Variants in PGBD1 observed in about 807,000 individuals in gnomAD.
PGBD1 encodes the protein piggyBac transposable element derived 1.
PGBD1 carries 25 observed loss-of-function variants against 34.7 expected under a neutral mutation model. That is an observed-to-expected ratio of 0.72 (90% CI 0.52 to 1.00). PGBD1 has a LOEUF of 1.00. Ranked by LOEUF, PGBD1 falls within the 50% of genes least tolerant of loss-of-function variation. The pLI, the probability that PGBD1 is intolerant of heterozygous loss-of-function variation, is 0.00. For synonymous variants in PGBD1, 292 were observed against 335.7 expected, an observed-to-expected ratio of 0.87 and a Z score of 1.42; for missense variants, 830 against 959.4, an observed-to-expected ratio of 0.87 and a Z score of 1.78.
intron 2 of PGBD1, among the ~76,000 whole-genome samples, chr6:28,284,873 C>T (rs1762240793): frequency 6.6e-6 from 1 of 152,114 alleles, no homozygotes; most frequent in African/African-American, 2.4e-5. Context: ...CACAAGAATA[C>T]AAAAATCAAG....
At chr6:28,296,642 C>T (rs572373390) in intron 4 of PGBD1, among the ~76,000 whole-genome samples, 174 bp from the exon 5 acceptor site, 3 of 152,298 alleles carry the variant, frequency 2.0e-5, no homozygotes, top group East Asian at 1.9e-4. Context: ...TGAATGGCAT[C>T]GGCTTGAGGT....
In PGBD1 at chr6:28,300,900, G is replaced by A. The variant is rs761161062; in HGVS notation, c.1046G>A (p.Arg349Gln). ...AAAGGGAGAAAAAAAGACAAAGCTC[G>A]AGTGAGTGAACTGCTCCAAGGCCTC... ...TRKGRKKDKA[R>Q]VSELLQGLSF... is the part of the protein sequence containing the mutation. Residue 349 changes from arginine (R) to glutamine (Q), a missense_variant, in exon 7 of 7, where the codon CGA (arginine) becomes CAA (glutamine). Physicochemically the swap from Arg to Gln is conservative, Grantham distance 43. This residue lies in a region of PGBD1 where 457 missense variants were observed against 515.4 expected (regional missense o/e 0.89). Coordinates refer to ENST00000682144, the MANE Select transcript of PGBD1 (RefSeq NM_032507.4). The surrounding 1 kb of genome is among the most constrained non-coding windows in gnomAD (Gnocchi z 4.0). The A allele has an allele frequency of 9.9e-6, 16 of 1,614,082 alleles. No individual in the cohort carries two copies. The highest frequency in any genetic ancestry group is 6.6e-5 in the South Asian group (6 of 91,082).
intron 4 of PGBD1, among the ~76,000 whole-genome samples, chr6:28,291,821 A>G (rs1309311004): frequency 2.0e-5 from 3 of 152,202 alleles, no homozygotes; most frequent in South Asian, 2.1e-4. Flanking sequence ...TAAATGTGAT[A>G]TATCACATTA....
chr6:28,290,047 G>A (rs959731922), intron 4 of PGBD1, among the ~76,000 whole-genome samples: 3 of 152,026 alleles, frequency 2.0e-5, no homozygotes, highest in Non-Finnish European at 4.4e-5. Flanking sequence ...ACTAAAAATA[G>A]CAACAAAGGA....
At chr6:28,297,356 C>T (rs1342823366) in intron 5 of PGBD1, among the ~76,000 whole-genome samples, 6 of 152,112 alleles carry the variant, frequency 3.9e-5, no homozygotes, top group African/African-American at 7.2e-5. Flanking sequence ...TCTAAGAACA[C>T]GACAGTTCAT....
intron 2 of PGBD1, among the ~76,000 whole-genome samples, chr6:28,284,735 G>A (rs1311051141): frequency 4.6e-5 from 7 of 152,136 alleles, no homozygotes; most frequent in Admixed American, 1.3e-4. Context: ...TGCCCAGGCT[G>A]ATCTTGAACT....
Position 28,302,070 on chromosome 6 carries a change from T to G in PGBD1, c.2216T>G (p.Val739Gly), listed in dbSNP as rs1762865424. The G allele has an allele frequency of 1.9e-6, 3 of 1,613,974 alleles. No homozygotes were observed. Among genetic ancestry groups the G allele is most frequent in the African/African-American group, 2.7e-5 (2 of 74,894 alleles). The part of the protein sequence containing the change: ...VKVYDECKEG[V>G]AKMDQIISKY... ...GTGTATGATGAATGCAAGGAAGGTGTAGCTAAAATGGATCAAATTATTTCG... is the reference window on the plus strand; with the variant it reads ...GTGTATGATGAATGCAAGGAAGGTGGAGCTAAAATGGATCAAATTATTTCG... The change falls in exon 7 of 7, where the codon GTA (valine) becomes GGA (glycine). Residue 739 changes from valine (V) to glycine (G), a missense_variant. Physicochemically the swap from Val to Gly is moderately radical, Grantham distance 109 (BLOSUM62 -3). This residue lies in a region of PGBD1 where 372 missense variants were observed against 427.9 expected (regional missense o/e 0.87). Transcript: ENST00000682144.
At position 28,300,015 on chromosome 6, in the gene PGBD1, A is replaced by AT. The variant is rs398001089; in HGVS notation, c.870-709_870-708insT. Among the ~76,000 whole-genome samples, 2 of 151,548 alleles carry AT rather than the reference A, an allele frequency of 1.3e-5. No individual in the cohort carries two copies. The highest frequency in any genetic ancestry group is 2.4e-5 in the African/African-American group (1 of 41,216). ...GACTCTGTCTCAAAAAAAAAAAAAA[A>AT]CAAAACAAAACTTTTCATCTTTGTA... On this transcript the variant is annotated intron_variant, in intron 6 of 6. Coordinates refer to ENST00000682144, the MANE Select transcript of PGBD1 (RefSeq NM_032507.4). The surrounding 1 kb of genome is among the most constrained non-coding windows in gnomAD (Gnocchi z 4.0).
intron 1 of PGBD1, 48 bp from the exon 2 acceptor site, chr6:28,283,728 A>G (rs1581626416): frequency 1.4e-6 from 2 of 1,461,922 alleles, no homozygotes; most frequent in Non-Finnish European, 1.8e-6. Flanking sequence ...TATAATTTGC[A>G]TGTTGCTGAT....
At chr6:28,291,397 A>T (rs889376485) in intron 4 of PGBD1, among the ~76,000 whole-genome samples, 1 of 152,068 alleles carries the variant, frequency 6.6e-6, no homozygotes, top group Admixed American at 6.5e-5. Context: ...GACCATGAAA[A>T]AATAGAAAAC....
chr6:28,302,191 A>G lies in PGBD1; in HGVS notation c.2337A>G (p.Arg779=). Residue 779 remains arginine (R), a synonymous_variant, in exon 7 of 7, where the codon AGA becomes AGG. Transcript: ENST00000682144. The part of the protein sequence containing the change: ...VAMNNAWQLH[R]ACNPGASLDP... ...TGAACAATGCATGGCAACTACACAGAGCCTGTAACCCAGGTGCTTCTCTAG... is the reference window on the plus strand; with the variant it reads ...TGAACAATGCATGGCAACTACACAGGGCCTGTAACCCAGGTGCTTCTCTAG... 1 of 1,614,166 alleles carries G rather than the reference A, an allele frequency of 6.2e-7. No individual in the cohort carries two copies. Among genetic ancestry groups the G allele is most frequent in the Non-Finnish European group, 8.5e-7 (1 of 1,180,020 alleles).
intron 4 of PGBD1, among the ~76,000 whole-genome samples, chr6:28,296,391 G>A (rs1028385473): frequency 6.6e-6 from 1 of 152,152 alleles, no homozygotes; most frequent in Admixed American, 6.5e-5. Flanking sequence ...GTCAACTTTT[G>A]TGACAATGTC....
At chr6:28,293,154 G>T (rs569193916) in intron 4 of PGBD1, among the ~76,000 whole-genome samples, 1 of 152,220 alleles carries the variant, frequency 6.6e-6, no homozygotes, top group South Asian at 2.1e-4. Flanking sequence ...TGTTGGCCAG[G>T]ATGGTCTCGA....
In PGBD1 at chr6:28,301,220, G is replaced by T. The variant is rs1436752032; in HGVS notation, c.1366G>T (p.Glu456Ter). 2.5e-6 allele frequency: 4 copies of T among 1,614,112 alleles called. No individual in the cohort carries two copies. Among genetic ancestry groups the T allele is most frequent in the Non-Finnish European group, 3.4e-6 (4 of 1,180,030 alleles). The change falls in exon 7 of 7, where the codon GAA (glutamate) becomes TAA (stop). Residue 456 changes from glutamate (E) to a stop codon, truncating the protein, a stop_gained. Coordinates refer to ENST00000682144, the MANE Select transcript of PGBD1 (RefSeq NM_032507.4). LOFTEE classifies it low-confidence loss of function (END_TRUNC). ...TGTCAGCTTGGAAGTCACAGTTCAG[G>T]AAATGAGGTGTGTGTTTGGTGTCTT... ...KNVSLEVTVQ[E>*]MRCVFGVLLL...
intron 4 of PGBD1, among the ~76,000 whole-genome samples, chr6:28,290,935 G>C (rs1031042133): frequency 5.3e-5 from 8 of 151,848 alleles, no homozygotes; most frequent in Non-Finnish European, 1.0e-4. Context: ...CAAAATTTGT[G>C]GGATACTGCA....
rs1762133485 is a variant in PGBD1, at chr6:28,281,661, A to G, written c.-296A>G. 5.6e-6 allele frequency: 2 copies of G among 359,132 alleles called. No individual in the cohort carries two copies. Among genetic ancestry groups the G allele is most frequent in the Non-Finnish European group, 4.9e-6 (1 of 203,080 alleles). 22.2% of individuals were successfully genotyped at this position (359,132 alleles called of 1,614,324 possible). On this transcript the variant is annotated 5_prime_UTR_variant, in exon 1 of 7. Transcript: ENST00000682144. ...CTCTGGGGAAACCGGCGCTCCCGAC[A>G]GGGGAGCACCGGGCCTCTGAGCTCC...
At chr6:28,283,165 C>T (rs1430790189) in intron 1 of PGBD1, among the ~76,000 whole-genome samples, 1 of 152,142 alleles carries the variant, frequency 6.6e-6, no homozygotes, top group East Asian at 1.9e-4. Context: ...CTTGGGCTTC[C>T]TTACAGCATG....
Position 28,297,905 on chromosome 6 carries a change from T to A in PGBD1, c.783T>A (p.Ile261=). 1 of 1,460,124 alleles carries A rather than the reference T, an allele frequency of 6.8e-7. No individual in the cohort carries two copies. Among genetic ancestry groups the A allele is most frequent in the African/African-American group, 1.5e-5 (1 of 67,976 alleles). The allele number at this position is 1,460,124 out of a possible 1,614,324, so 90.4% of individuals were successfully genotyped here. A position where few individuals can be genotyped will look rare whatever the true frequency, so the allele number is the denominator to read the frequency against. The part of the protein sequence containing the change: ...VMSLSPMTEE[I]VTKDRLFKAK... ...AATGTTATATTTTAGCTGAAGAAAT[T>A]GTAACTAAAGATAGATTGTTTAAAG... The change falls in exon 6 of 7, where the codon ATT becomes ATA. Residue 261 remains isoleucine, a synonymous_variant. Transcript: ENST00000682144.
chr6:28,302,260 A>G lies in PGBD1; in HGVS notation c.2406A>G (p.Glu802=). 6.2e-7 allele frequency: 1 copy of G among 1,613,182 alleles called. No homozygotes were observed. The highest frequency in any genetic ancestry group is 8.5e-7 in the Non-Finnish European group (1 of 1,179,198). Residue 802 remains glutamate (E), a synonymous_variant, in exon 7 of 7, where the codon GAA becomes GAG. Transcript: ENST00000682144. ...FRRFVAHFYL[E]HNAHLSD ...GATTTGTTGCACATTTCTACTTGGA[A>G]CACAATGCTCATCTGTCAGATTAGG...
Sources: gnomAD v4.1 joint callset for allele counts (sites outside exome capture counted in the v4.1 genomes callset) on GRCh38, gnomAD v4.1.1 for gene constraint, gnomAD v4.1.1 regional missense constraint, Gnocchi (gnomAD v3.1) non-coding constraint, MANE v1.5 for transcripts, NCBI Gene and HGNC (gene_info 2026-07-23, HGNC 2026-07-21) for gene names.